Variants in PTPRF observed in about 807,000 individuals in gnomAD.
The protein encoded by PTPRF is receptor-type tyrosine-protein phosphatase F.
In PTPRF, 59 loss-of-function variants were observed where a neutral mutation model predicts 201.8. That is an observed-to-expected ratio of 0.29 (90% confidence interval 0.24 to 0.36). The LOEUF (loss-of-function observed/expected upper bound fraction) is 0.36. Ranked by LOEUF, PTPRF falls within the 10% of genes least tolerant of loss-of-function variation. PTPRF has a pLI of 1.00. For synonymous variants in PTPRF, 1,088 were observed against 1,089.7 expected (o/e 1.00, Z 0.03); for missense variants, 2,132 against 2,690.5 (o/e 0.79, Z 4.59).
At position 43,619,010 on chromosome 1, in the gene PTPRF, G is replaced by C. The variant is rs1297011375; in HGVS notation, c.4492-38G>C. On this transcript the variant is annotated intron_variant, in intron 26 of 33. Transcript: ENST00000359947. ...TCAGTCCTGAGTCTATGGCAGGTAG[G>C]CTCCTAGTCGCCAGTATGTCCCCAC... 7 of 1,600,166 alleles carry C rather than the reference G, an allele frequency of 4.4e-6. No homozygotes were observed. In the South Asian group the frequency reaches 6.7e-5, roughly 15 times the overall value.
Position 43,553,214 on chromosome 1 carries a change from T to G in PTPRF, c.92-278T>G, listed in dbSNP as rs1645141212. 6.6e-6 allele frequency among the ~76,000 whole-genome samples: 1 copy of G among 152,182 alleles called. No homozygotes were observed. On this transcript the variant is annotated intron_variant, in intron 3 of 33. Transcript: ENST00000359947. This position sits in a 1 kb window ranked among gnomAD's most constrained non-coding sequence, Gnocchi z 4.1. The stretch of plus-strand genomic sequence containing the variant: ...GGAACACCTGGGTTCAGATCTTAGC[T>G]CTACCACTTACCAGCTGTGTCATAT...
Position 43,591,310 on chromosome 1 carries a change from ATGCTGGTGCAGT to A in PTPRF, c.1289_1300del (p.Met430_Trp434delinsArg). The A allele has an allele frequency of 6.4e-7, 1 of 1,551,920 alleles. No homozygotes were observed. Among genetic ancestry groups the A allele is most frequent in the Non-Finnish European group, 8.7e-7 (1 of 1,149,314 alleles). ...GGCACGCATGCTGAGCGCCAGCACC[ATGCTGGTGCAGT>A]GGGAGCCTCCCGAGGAGCCCAACGG... On this transcript the variant is annotated inframe_deletion, in exon 9 of 34. Coordinates refer to ENST00000359947, the MANE Select transcript of PTPRF (RefSeq NM_002840.5).
chr1:43,575,173 C>G (rs12058744), intron 6 of PTPRF, among the ~76,000 whole-genome samples: 20 of 152,110 alleles, frequency 1.3e-4, no homozygotes, highest in African/African-American at 4.8e-4. Flanking sequence ...CTCAAATCTC[C>G]TAATAGGCCT....
intron 11 of PTPRF, among the ~76,000 whole-genome samples, chr1:43,594,568 G>A (rs1411042596): frequency 6.6e-6 from 1 of 152,078 alleles, no homozygotes; most frequent in Non-Finnish European, 1.5e-5. Context: ...GCTTTGTAGC[G>A]GTCCAGGGAA....
At chr1:43,606,129 C>A (rs866892523) in intron 19 of PTPRF, 111 bp from the exon 20 acceptor site, 2 of 1,236,938 alleles carry the variant, frequency 1.6e-6, no homozygotes, top group Non-Finnish European at 2.2e-6. Flanking sequence ...GGCTCTGACA[C>A]GGAAGGTGAG....
At chr1:43,576,375 C>T (rs1411209850) in intron 6 of PTPRF, among the ~76,000 whole-genome samples, 6 of 152,330 alleles carry the variant, frequency 3.9e-5, no homozygotes, top group African/African-American at 9.6e-5. Flanking sequence ...TTTAGTATCC[C>T]GGCTCTGTAC....
chr1:43,566,726 C>G lies in PTPRF; in HGVS notation c.380-2864C>G, dbSNP rs920120195. Among the ~76,000 whole-genome samples the G allele has an allele frequency of 3.9e-5, 6 of 152,338 alleles. No individual in the cohort carries two copies. The East Asian group carries it at 1.2e-3, about 29-fold the overall frequency. ...AAGTCGCTCCTGAGGGGCTGGAGCC[C>G]TCCTGTAAGACCCACTTCCCTTCCC... On this transcript the variant is annotated intron_variant, in intron 5 of 33. Coordinates refer to ENST00000359947, the MANE Select transcript of PTPRF (RefSeq NM_002840.5).
chr1:43,618,143 C>T (rs1257149509), intron 25 of PTPRF, among the ~76,000 whole-genome samples: 1 of 152,180 alleles, frequency 6.6e-6, no homozygotes, highest in Non-Finnish European at 1.5e-5. Context: ...TCACCAAATG[C>T]TGTCATTTTC....
rs1323630328 is a variant in PTPRF at position 43,605,458 on chromosome 1, T to A, written c.3389+15T>A. ...TCGCTTGTCAGGTGTGCACACGAGG[T>A]ATCGGGGGAGGCGGGGCAGGGCTGG... is the stretch of plus-strand genomic sequence containing the variant. On this transcript the variant is annotated intron_variant, in intron 18 of 33. Transcript: ENST00000359947. 6.2e-7 allele frequency: 1 copy of A among 1,610,286 alleles called. No homozygotes were observed. Among genetic ancestry groups the A allele is most frequent in the Non-Finnish European group, 8.5e-7 (1 of 1,176,998 alleles).
intron 31 of PTPRF, 99 bp downstream of exon 31, chr1:43,620,678 G>C: frequency 6.5e-7 from 1 of 1,550,088 alleles, no homozygotes; most frequent in Non-Finnish European, 8.8e-7. Context: ...AGAAATCTGA[G>C]GCGGTGGGTG....
chr1:43,590,574 C>G (rs780033053), intron 8 of PTPRF, among the ~76,000 whole-genome samples: 2 of 152,240 alleles, frequency 1.3e-5, no homozygotes, highest in African/African-American at 4.8e-5. Context: ...CACATACTTT[C>G]CACCAGGTGG....
chr1:43,608,147 C>A (rs990223611), intron 21 of PTPRF, among the ~76,000 whole-genome samples: 3 of 152,230 alleles, frequency 2.0e-5, no homozygotes, highest in African/African-American at 7.2e-5. Context: ...TGCACTCATC[C>A]TTCCCACTTC....
chr1:43,571,410 C>CT (rs1481906046), intron 6 of PTPRF, among the ~76,000 whole-genome samples: 1 of 152,222 alleles, frequency 6.6e-6, no homozygotes, highest in African/African-American at 2.4e-5. Flanking sequence ...TAGCTTTAGT[C>CT]TTTCCAGCCC....
rs1654908324 is a variant in PTPRF at position 43,605,627 on chromosome 1, C to G, written c.3483+5C>G. On this transcript the variant is annotated splice_donor_5th_base_variant and intron_variant, in intron 19 of 33. Coordinates refer to ENST00000359947, the MANE Select transcript of PTPRF (RefSeq NM_002840.5). ...GAGGAACTGGAGCTGGACGAGGTAC[C>G]TGGGGAGGGGATGGGGACACTGACA... 6.2e-7 allele frequency: 1 copy of G among 1,613,772 alleles called. No individual in the cohort carries two copies. The highest frequency in any genetic ancestry group is 8.5e-7 in the Non-Finnish European group (1 of 1,179,756).
chr1:43,586,491 C>T (rs148172150), intron 7 of PTPRF, among the ~76,000 whole-genome samples: 2 of 152,192 alleles, frequency 1.3e-5, no homozygotes, highest in Admixed American at 1.3e-4. Flanking sequence ...GAGACACTTG[C>T]CAGCCATGCC....
rs947897516 is a variant in PTPRF, at chr1:43,591,974, A to G, written c.1668+26A>G. 5.6e-6 allele frequency: 9 copies of G among 1,611,520 alleles called. No homozygotes were observed. In the African/African-American group the frequency reaches 6.7e-5, roughly 12 times the overall value. ...GTGTGCAGCGGGCAGAGAAGCACTG[A>G]GGGGGTCTCCTGGTCCCTGAGGGTC... On this transcript the variant is annotated intron_variant, in intron 10 of 33. Transcript: ENST00000359947.
intron 6 of PTPRF, among the ~76,000 whole-genome samples, chr1:43,571,080 T>C (rs1646536832): frequency 6.6e-6 from 1 of 152,178 alleles, no homozygotes; most frequent in African/African-American, 2.4e-5. Flanking sequence ...TTGGTTCATC[T>C]AGTATTTATA....
chr1:43,583,447 G>A (rs890708517), intron 7 of PTPRF, among the ~76,000 whole-genome samples: 4 of 152,212 alleles, frequency 2.6e-5, no homozygotes, highest in Admixed American at 1.3e-4. Context: ...GAATGGTTGT[G>A]GGGGGCTGTG....
chr1:43,523,825 A>C (rs2153942272), upstream of PTPRF, among the ~76,000 whole-genome samples: 1 of 152,136 alleles, frequency 6.6e-6, no homozygotes, highest in Admixed American at 6.5e-5. Flanking sequence ...AGGCGGACAG[A>C]TCACTTGAGG....
Sources: allele counts gnomAD v4.1 joint callset (sites outside exome capture counted in the v4.1 genomes callset), GRCh38; gene constraint gnomAD v4.1.1; non-coding constraint Gnocchi (gnomAD v3.1); transcripts MANE v1.5; gene names NCBI Gene and HGNC (gene_info 2026-07-23, HGNC 2026-07-21).